AEN: variants seen among roughly 807,000 people sequenced by gnomAD.
The protein encoded by AEN is apoptosis-enhancing nuclease.
AEN carries 21 observed loss-of-function variants against 17.7 expected under a neutral mutation model. The observed-to-expected ratio is 1.19, with a 90% confidence interval of 0.84 to 1.71. The LOEUF (loss-of-function observed/expected upper bound fraction) is 1.71. AEN is among the 40% of genes most tolerant of loss of function. AEN has a pLI of 0.00. For synonymous variants in AEN, 190 were observed against 173.0 expected (o/e 1.10, Z -0.77); for missense variants, 462 against 435.9 (o/e 1.06, Z -0.53).
At chr15:88,608,103 T>C in the AEN span, 2 of 527,666 alleles carry the variant, frequency 3.8e-6, no homozygotes, top group African/African-American at 1.9e-5. Context: ...ACTGAGCTCT[T>C]ATTGGCTGGA....
At chr15:88,610,988 G>A in the AEN span, among the ~76,000 whole-genome samples, 1 of 152,186 alleles carries the variant, frequency 6.6e-6, no homozygotes, top group African/African-American at 2.4e-5. Flanking sequence ...GGGAGGGGAT[G>A]ACTGGGCCAG....
At chr15:88,624,168 G>T (rs979176822) in intron 1 of AEN, among the ~76,000 whole-genome samples, 1 of 152,204 alleles carries the variant, frequency 6.6e-6, no homozygotes, top group African/African-American at 2.4e-5. Context: ...TTGGAGTCCA[G>T]GATCCACCTG....
chr15:88,614,195 T>TTTTA, the AEN span, among the ~76,000 whole-genome samples: 487 of 152,206 alleles, frequency 3.2e-3, 1 homozygote, highest in African/African-American at 9.2e-3. Flanking sequence ...TTACTACTGT[T>TTTTA]TTTATTTATT....
the AEN span, among the ~76,000 whole-genome samples, chr15:88,615,631 T>C: frequency 1.3e-5 from 2 of 152,188 alleles, no homozygotes; most frequent in Non-Finnish European, 2.9e-5. Context: ...CACCCCCTAA[T>C]TTTCTTAATC....
chr15:88,622,209 T>C (rs1310375864), intron 1 of AEN, among the ~76,000 whole-genome samples: 1 of 152,160 alleles, frequency 6.6e-6, no homozygotes, highest in Non-Finnish European at 1.5e-5. Context: ...ACCCCCTCCC[T>C]GCCTGAAGGC....
At chr15:88,629,549 TC>T in intron 3 of AEN, 123 bp downstream of exon 3, 1 of 1,197,422 alleles carries the variant, frequency 8.4e-7, no homozygotes, top group Non-Finnish European at 1.2e-6. Context: ...CTAGTCCAGG[TC>T]CAGGGACCTT....
Position 88,629,138 on chromosome 15 carries a change from A to G in AEN, c.541-88A>G. ...TGCCTCCCCCCACAGGGATCCATGC[A>G]TCTATTGGCCAGGGGTTCTCAGGGC... is the stretch of plus-strand genomic sequence containing the variant. On this transcript the variant is annotated intron_variant, in intron 2 of 3. Transcript: ENST00000332810. 6.2e-6 allele frequency: 8 copies of G among 1,285,770 alleles called. 1 individual carries two copies. The South Asian group carries it at 7.6e-5, about 12-fold the overall frequency. The allele number at this position is 1,285,770 out of a possible 1,614,324, so 79.6% of individuals were successfully genotyped here. A position where few individuals can be genotyped will look rare whatever the true frequency, so the allele number is the denominator to read the frequency against.
chr15:88,609,321 T>C, the AEN span, among the ~76,000 whole-genome samples: 904 of 152,356 alleles, frequency 5.9e-3, 11 homozygotes, highest in African/African-American at 0.021. Flanking sequence ...TAAATCCTAC[T>C]GGCTAGTATT....
At chr15:88,618,734 A>C (rs1437815377), upstream of AEN, among the ~76,000 whole-genome samples, 1 of 152,264 alleles carries the variant, frequency 6.6e-6, no homozygotes, top group African/African-American at 2.4e-5. Context: ...GAAGGGTTTT[A>C]GTCTGGCAAT....
At position 88,626,541 on chromosome 15, in the gene AEN, T is replaced by C. The variant is rs369755103; in HGVS notation, c.332T>C (p.Val111Ala). The C allele has an allele frequency of 1.8e-5, 29 of 1,614,138 alleles. No individual in the cohort carries two copies. In the Admixed American group the frequency reaches 4.3e-4, roughly 24 times the overall value. Residue 111 changes from valine (V) to alanine (A), a missense_variant, in exon 2 of 4, where the codon GTG becomes GCG. Val to Ala is a moderately conservative substitution (Grantham distance 64). Coordinates refer to ENST00000332810, the MANE Select transcript of AEN (RefSeq NM_022767.4). ...TCAGGGCCCTTGCCCAGCAAGTGTG[T>C]GGCTATCGACTGTGAGATGGTGGGC... ...KASGPLPSKC[V>A]AIDCEMVGTG... is the part of the protein sequence containing the mutation.
intron 1 of AEN, chr15:88,621,688 A>G (rs1159669991): frequency 3.9e-5 from 6 of 152,164 alleles, no homozygotes; most frequent in Admixed American, 3.3e-4. Context: ...CCCACGCGTC[A>G]CGCCTGGGAG....
At chr15:88,606,471 A>T in the AEN span, among the ~76,000 whole-genome samples, 1 of 152,306 alleles carries the variant, frequency 6.6e-6, no homozygotes, top group Admixed American at 6.5e-5. Context: ...TTGTTTGGCC[A>T]AGAAGGGGAA....
At chr15:88,615,497 A>T in the AEN span, among the ~76,000 whole-genome samples, 1 of 152,140 alleles carries the variant, frequency 6.6e-6, no homozygotes, top group South Asian at 2.1e-4. Context: ...TGCATAAAAC[A>T]AGTACCTTAT....
chr15:88,627,060 T>C, intron 2 of AEN: 1 of 331,410 alleles, frequency 3.0e-6, no homozygotes, highest in Non-Finnish European at 5.6e-6. Flanking sequence ...GATATAAAAT[T>C]TGTAAAGCCC....
At chr15:88,614,249 G>C in the AEN span, among the ~76,000 whole-genome samples, 1 of 152,062 alleles carries the variant, frequency 6.6e-6, no homozygotes, top group African/African-American at 2.4e-5. Context: ...ACCCAGTCTA[G>C]AGTGCAGTGG....
the AEN span, chr15:88,611,791 G>T: frequency 2.2e-6 from 1 of 461,844 alleles, no homozygotes; most frequent in Admixed American, 2.6e-5. Context: ...GGCGAGGGGA[G>T]GGGGGTGGTC....
At chr15:88,607,264 A>G in the AEN span, among the ~76,000 whole-genome samples, 2 of 152,238 alleles carry the variant, frequency 1.3e-5, no homozygotes, top group Non-Finnish European at 2.9e-5. Flanking sequence ...CATCGCCTTC[A>G]TAATTAGCAA....
chr15:88,626,823 C>T (rs2057861390), intron 2 of AEN, 74 bp downstream of exon 2: 2 of 1,495,832 alleles, frequency 1.3e-6, no homozygotes, highest in Non-Finnish European at 1.8e-6. Context: ...TGAATCACCA[C>T]TTTGCTTCAC....
At chr15:88,626,818 C>A in intron 2 of AEN, 69 bp downstream of exon 2, 1 of 1,514,390 alleles carries the variant, frequency 6.6e-7, no homozygotes, top group Non-Finnish European at 8.9e-7. Context: ...GGGTTTGAAT[C>A]ACCACTTTGC....
Sources: allele counts gnomAD v4.1 joint callset (sites outside exome capture counted in the v4.1 genomes callset), GRCh38; gene constraint gnomAD v4.1.1; transcripts MANE v1.5; gene names NCBI Gene and HGNC (gene_info 2026-07-23, HGNC 2026-07-21).